SPMIP7: variants seen among roughly 807,000 people sequenced by gnomAD.
SPMIP7 encodes sperm microtubule inner protein 7.
the SPMIP7 span, among the ~76,000 whole-genome samples, chr7:50,130,795 T>A: frequency 1.3e-5 from 2 of 151,864 alleles, no homozygotes; most frequent in Non-Finnish European, 2.9e-5. Flanking sequence ...TTGGAGTGAC[T>A]CTATACCCTG....
At chr7:50,144,582 G>T in the SPMIP7 span, among the ~76,000 whole-genome samples, 1 of 152,102 alleles carries the variant, frequency 6.6e-6, no homozygotes, top group Non-Finnish European at 1.5e-5. Flanking sequence ...ACTTATCCAT[G>T]CATTCTTTTG....
At chr7:50,127,996 G>C in the SPMIP7 span, among the ~76,000 whole-genome samples, 2 of 151,804 alleles carry the variant, frequency 1.3e-5, no homozygotes, top group African/African-American at 4.8e-5. Context: ...ACAATATATC[G>C]AAAAGATATC....
chr7:50,135,478 A>G, the SPMIP7 span, among the ~76,000 whole-genome samples: 2 of 152,204 alleles, frequency 1.3e-5, no homozygotes. Flanking sequence ...GAGAAAAATG[A>G]TAATAAAAGA....
the SPMIP7 span, among the ~76,000 whole-genome samples, chr7:50,144,036 A>G: frequency 6.6e-6 from 1 of 152,226 alleles, no homozygotes; most frequent in African/African-American, 2.4e-5. Flanking sequence ...CTTAAGTGAC[A>G]TTCCTTCAAA....
At chr7:50,103,321 C>T in the SPMIP7 span, among the ~76,000 whole-genome samples, 2 of 152,198 alleles carry the variant, frequency 1.3e-5, no homozygotes, top group Admixed American at 6.5e-5. Context: ...ATAGGAGAAT[C>T]GATCTCTATG....
chr7:50,131,950 A>G, the SPMIP7 span, among the ~76,000 whole-genome samples: 53 of 152,282 alleles, frequency 3.5e-4, no homozygotes, highest in African/African-American at 9.9e-4. Context: ...TTTTCTTCAC[A>G]TATTTTGAAC....
the SPMIP7 span, among the ~76,000 whole-genome samples, chr7:50,126,711 A>G: frequency 2.0e-5 from 3 of 152,096 alleles, no homozygotes; most frequent in Non-Finnish European, 2.9e-5. Flanking sequence ...GAATGCAAAT[A>G]TTCACTTACC....
the SPMIP7 span, among the ~76,000 whole-genome samples, chr7:50,115,689 G>A: frequency 8.3e-3 from 1,263 of 152,132 alleles, 25 homozygotes; most frequent in African/African-American, 0.029. Context: ...ATAAAGTTAG[G>A]TTTATTCAGG....
chr7:50,125,182 A>G, the SPMIP7 span, among the ~76,000 whole-genome samples: 3 of 91,194 alleles, frequency 3.3e-5, 1 homozygote, highest in Non-Finnish European at 7.4e-5. Flanking sequence ...ACATATATAT[A>G]CACATATATA....
chr7:50,150,398 G>T, the SPMIP7 span, among the ~76,000 whole-genome samples: 1 of 152,156 alleles, frequency 6.6e-6, no homozygotes, highest in South Asian at 2.1e-4. Flanking sequence ...CCTCCCTGGG[G>T]GCAAGTTCAT....
At chr7:50,156,541 A>C in the SPMIP7 span, among the ~76,000 whole-genome samples, 4,889 of 151,234 alleles carry the variant, frequency 0.032, 235 homozygotes, top group African/African-American at 0.11. Flanking sequence ...GCTTCCAGTC[A>C]CTTCCCCACG....
the SPMIP7 span, among the ~76,000 whole-genome samples, chr7:50,107,362 C>CAAAAAAAAAAA: frequency 4.8e-4 from 8 of 16,632 alleles, no homozygotes; most frequent in Non-Finnish European, 6.0e-4. Context: ...GACTCTGTCT[C>CAAAAAAAAAAA]AAAAAAAAAA....
chr7:50,121,840 A>G, the SPMIP7 span, among the ~76,000 whole-genome samples: 1 of 150,870 alleles, frequency 6.6e-6, no homozygotes, highest in East Asian at 2.0e-4. Context: ...TTTTTCTTGT[A>G]GAGATGGAGT....
chr7:50,108,358 T>C, the SPMIP7 span, among the ~76,000 whole-genome samples: 1 of 152,164 alleles, frequency 6.6e-6, no homozygotes, highest in Non-Finnish European at 1.5e-5. Flanking sequence ...GAAAACATTT[T>C]ATAAATAAAC....
At chr7:50,111,502 G>A in the SPMIP7 span, among the ~76,000 whole-genome samples, 1 of 152,124 alleles carries the variant, frequency 6.6e-6, no homozygotes, top group Non-Finnish European at 1.5e-5. Flanking sequence ...TACACGTGGT[G>A]ACAAAGAAAA....
chr7:50,097,554 T>C, the SPMIP7 span, among the ~76,000 whole-genome samples: 1 of 152,124 alleles, frequency 6.6e-6, no homozygotes, highest in Non-Finnish European at 1.5e-5. Context: ...GGCCTTGAGC[T>C]CTGGCAAAAA....
At chr7:50,117,810 T>A in the SPMIP7 span, among the ~76,000 whole-genome samples, 127,209 of 152,152 alleles carry the variant, frequency 0.84, 53,223 homozygotes, top group East Asian at 0.92. Flanking sequence ...GCTAAAGACA[T>A]GTCAGTAAAT....
chr7:50,108,160 T>C, the SPMIP7 span, among the ~76,000 whole-genome samples: 3 of 152,200 alleles, frequency 2.0e-5, no homozygotes, highest in African/African-American at 7.2e-5. Flanking sequence ...AGATTCCCAC[T>C]GAATCAGATT....
At chr7:50,110,641 A>G in the SPMIP7 span, among the ~76,000 whole-genome samples, 1 of 137,598 alleles carries the variant, frequency 7.3e-6, no homozygotes, top group Admixed American at 7.5e-5. Context: ...ATATTATATA[A>G]ATATATTATA....
Sources: allele counts gnomAD v4.1 joint callset (sites outside exome capture counted in the v4.1 genomes callset), GRCh38; gene constraint gnomAD v4.1.1; transcripts MANE v1.5; gene names NCBI Gene and HGNC (gene_info 2026-07-23, HGNC 2026-07-21).